GRID1: variants seen among roughly 807,000 people sequenced by gnomAD.
GRID1 encodes glutamate receptor ionotropic, delta-1.
A neutral mutation model predicts 98.0 loss-of-function variants in GRID1; 28 were observed. The observed-to-expected ratio is 0.29, with a 90% CI of 0.21 to 0.39. GRID1 has a LOEUF of 0.39. Ranked by LOEUF, GRID1 falls within the 10% of genes least tolerant of loss-of-function variation. GRID1 has a pLI of 1.00. For synonymous variants in GRID1, 553 were observed against 538.5 expected, an observed-to-expected ratio of 1.03 and a Z score of -0.37; for missense variants, 1,111 against 1,340.5, an observed-to-expected ratio of 0.83 and a Z score of 2.67.
intron 4 of GRID1, among the ~76,000 whole-genome samples, chr10:86,067,659 G>A (rs1358229756): frequency 6.6e-6 from 1 of 152,166 alleles, no homozygotes; most frequent in African/African-American, 2.4e-5. Context: ...TGGGGCAAAG[G>A]CCCCTGAGAA....
intron 4 of GRID1, among the ~76,000 whole-genome samples, chr10:86,000,751 A>C (rs1842793460): frequency 6.6e-6 from 1 of 152,218 alleles, no homozygotes; most frequent in Non-Finnish European, 1.5e-5. Context: ...ATTAAGCCTC[A>C]CACCTTTCCC....
At chr10:85,819,651 G>T (rs1842744714) in intron 8 of GRID1, among the ~76,000 whole-genome samples, 1 of 152,108 alleles carries the variant, frequency 6.6e-6, no homozygotes, top group Non-Finnish European at 1.5e-5. Flanking sequence ...GTTCATGCAT[G>T]TAATCTAATC....
At chr10:86,261,338 G>GTC (rs1847013093) in intron 2 of GRID1, among the ~76,000 whole-genome samples, 1 of 152,246 alleles carries the variant, frequency 6.6e-6, no homozygotes. Flanking sequence ...TGGCAAAGGG[G>GTC]TGAGATTCAA....
intron 8 of GRID1, among the ~76,000 whole-genome samples, chr10:85,772,027 C>A (rs1477859639): frequency 1.3e-5 from 2 of 152,184 alleles, no homozygotes; most frequent in African/African-American, 2.4e-5. Flanking sequence ...ACATTCTTTT[C>A]AGCACCACAC....
intron 8 of GRID1, among the ~76,000 whole-genome samples, chr10:85,807,205 C>G (rs1437150122): frequency 6.6e-6 from 1 of 151,838 alleles, no homozygotes; most frequent in Non-Finnish European, 1.5e-5. Context: ...CAAAAATTAG[C>G]CAGGTGTGGT....
At chr10:86,056,584 A>T (rs1003042840) in intron 4 of GRID1, among the ~76,000 whole-genome samples, 1 of 152,192 alleles carries the variant, frequency 6.6e-6, no homozygotes, top group Non-Finnish European at 1.5e-5. Context: ...CGAGCCACAC[A>T]GTTAACATAG....
intron 8 of GRID1, among the ~76,000 whole-genome samples, chr10:85,742,894 C>A: frequency 6.6e-6 from 1 of 152,142 alleles, no homozygotes; most frequent in Non-Finnish European, 1.5e-5. Context: ...AGCTTTTCAA[C>A]CTGACACTAT....
chr10:85,852,923 C>T (rs1204825077), intron 8 of GRID1, among the ~76,000 whole-genome samples: 1 of 152,186 alleles, frequency 6.6e-6, no homozygotes, highest in Admixed American at 6.5e-5. Flanking sequence ...ACCAACAAAC[C>T]TCTGAGCTCC....
intron 2 of GRID1, among the ~76,000 whole-genome samples, chr10:86,350,164 G>T (rs188984477): frequency 6.6e-6 from 1 of 152,322 alleles, no homozygotes; most frequent in East Asian, 1.9e-4. Context: ...TGTGGCCAGA[G>T]CAGTGAGGTC....
intron 5 of GRID1, among the ~76,000 whole-genome samples, chr10:85,898,750 A>G (rs2131814114): frequency 6.6e-6 from 1 of 152,318 alleles, no homozygotes; most frequent in South Asian, 2.1e-4. Context: ...TATGATGACA[A>G]TGCTTTATTC....
At chr10:85,748,158 G>A (rs926610406) in intron 8 of GRID1, among the ~76,000 whole-genome samples, 2 of 152,000 alleles carry the variant, frequency 1.3e-5, no homozygotes, top group African/African-American at 4.8e-5. Context: ...AAGACCCTGG[G>A]CTCAGACATT....
rs1019318358 is a variant in GRID1 at position 86,096,690 on chromosome 10, C to T, written c.726+42129G>A. ...ATGCTAATGGAATTCACTGGTCTTA[C>T]CATGTTACCCATCATCTTGAAGCAG... On this transcript the variant is annotated intron_variant, in intron 4 of 15. Transcript: ENST00000327946. Among the ~76,000 whole-genome samples, 6 of 152,316 alleles carry T rather than the reference C, an allele frequency of 3.9e-5. No homozygotes were observed. The South Asian group carries it at 1.0e-3, about 26-fold the overall frequency.
intron 5 of GRID1, among the ~76,000 whole-genome samples, chr10:85,908,505 G>A (rs1841492720): frequency 6.6e-6 from 1 of 152,170 alleles, no homozygotes; most frequent in Non-Finnish European, 1.5e-5. Flanking sequence ...TCTGTACACT[G>A]TAAAAGATAA....
chr10:86,126,870 G>A (rs2131963587), intron 4 of GRID1, among the ~76,000 whole-genome samples: 1 of 152,330 alleles, frequency 6.6e-6, no homozygotes, highest in East Asian at 1.9e-4. Flanking sequence ...GCCTGCAGCT[G>A]CAATACTCTC....
At chr10:86,341,401 G>A (rs1041335384) in intron 2 of GRID1, among the ~76,000 whole-genome samples, 1 of 152,088 alleles carries the variant, frequency 6.6e-6, no homozygotes, top group Non-Finnish European at 1.5e-5. Context: ...GGGTACTTAC[G>A]CGGGTGCCCC....
intron 4 of GRID1, among the ~76,000 whole-genome samples, chr10:85,936,062 T>G (rs1841921559): frequency 6.6e-6 from 1 of 152,030 alleles, no homozygotes; most frequent in African/African-American, 2.4e-5. Flanking sequence ...ACAGGTATAA[T>G]GGTGTAGGGG....
intron 4 of GRID1, among the ~76,000 whole-genome samples, chr10:86,086,414 GATCT>G (rs531308886): frequency 1.4e-4 from 22 of 152,198 alleles, no homozygotes; most frequent in Admixed American, 4.6e-4. Flanking sequence ...TGTTTTATTG[GATCT>G]ATCAGGAGAT....
chr10:86,206,722 C>G lies in GRID1; in HGVS notation c.236-74G>C. On this transcript the variant is annotated intron_variant, in intron 2 of 15. Coordinates refer to ENST00000327946, the MANE Select transcript of GRID1 (RefSeq NM_017551.3). The surrounding 1 kb of genome is among the most constrained non-coding windows in gnomAD (Gnocchi z 4.1). Reference sequence around the variant, plus strand: ...TGCACCAGCTTCAACCTGCAGGCCCCATGCCTGGCAGCTCATGCCCAGGAC... The same window carrying G: ...TGCACCAGCTTCAACCTGCAGGCCCGATGCCTGGCAGCTCATGCCCAGGAC... The G allele has an allele frequency of 7.2e-7, 1 of 1,397,476 alleles. No individual in the cohort carries two copies. Among genetic ancestry groups the G allele is most frequent in the Admixed American group, 1.9e-5 (1 of 51,352 alleles). The allele number at this position is 1,397,476 out of a possible 1,614,324, so 86.6% of individuals were successfully genotyped here.
chr10:86,354,989 T>G (rs921597597), intron 2 of GRID1, among the ~76,000 whole-genome samples: 1 of 152,182 alleles, frequency 6.6e-6, no homozygotes, highest in African/African-American at 2.4e-5. Context: ...TGTGGGAACC[T>G]GCTCACACTG....
Sources: gnomAD v4.1 joint callset for allele counts (sites outside exome capture counted in the v4.1 genomes callset) on GRCh38, gnomAD v4.1.1 for gene constraint, Gnocchi (gnomAD v3.1) non-coding constraint, MANE v1.5 for transcripts, NCBI Gene and HGNC (gene_info 2026-07-23, HGNC 2026-07-21) for gene names.